Variants in MAPK10 observed in about 807,000 individuals in gnomAD.
The protein encoded by MAPK10 is mitogen-activated protein kinase 10.
MAPK10 carries 25 observed loss-of-function variants against 59.3 expected under a neutral mutation model. That is an observed-to-expected ratio of 0.42 (90% CI 0.31 to 0.59). The LOEUF (loss-of-function observed/expected upper bound fraction) is 0.59. Ranked by LOEUF, MAPK10 falls within the 20% of genes least tolerant of loss-of-function variation. The pLI, the probability that MAPK10 is intolerant of heterozygous loss-of-function variation, is 0.15. For missense variants in MAPK10, 351 were observed against 568.9 expected (o/e 0.62, Z 3.90); for synonymous variants, 190 against 200.5 (o/e 0.95, Z 0.44).
intron 13 of MAPK10, among the ~76,000 whole-genome samples, chr4:86,022,639 G>A (rs1241741377): frequency 6.6e-6 from 1 of 151,972 alleles, no homozygotes; most frequent in Non-Finnish European, 1.5e-5. Context: ...CAAGTAGCTA[G>A]GACTACAGGC....
intron 1 of MAPK10, among the ~76,000 whole-genome samples, chr4:86,534,712 C>A (rs1398522745): frequency 6.6e-6 from 1 of 151,986 alleles, no homozygotes; most frequent in Non-Finnish European, 1.5e-5. Flanking sequence ...TCGAGACCAG[C>A]CTGGCCAACA....
At chr4:86,287,624 C>G (rs1195851323) in intron 2 of MAPK10, among the ~76,000 whole-genome samples, 3 of 152,136 alleles carry the variant, frequency 2.0e-5, no homozygotes, top group Non-Finnish European at 4.4e-5. Flanking sequence ...ATGCAACTTT[C>G]ATTGTTAAAA....
chr4:86,192,614 A>T (rs775884522), intron 3 of MAPK10: 13 of 151,902 alleles, frequency 8.6e-5, no homozygotes, highest in Non-Finnish European at 1.5e-4. Context: ...TGTGTGTTTC[A>T]GCTCCATCAG....
intron 1 of MAPK10, among the ~76,000 whole-genome samples, chr4:86,487,724 C>T (rs1754116759): frequency 7.7e-6 from 1 of 129,422 alleles, no homozygotes; most frequent in South Asian, 2.4e-4. Context: ...GCACGAGACT[C>T]TGTCTCAAAA....
At chr4:86,535,196 T>C (rs1758137453) in intron 1 of MAPK10, among the ~76,000 whole-genome samples, 1 of 152,182 alleles carries the variant, frequency 6.6e-6, no homozygotes, top group South Asian at 2.1e-4. Context: ...AATTTGTTTC[T>C]GAGAAGTGAT....
At position 86,491,421 on chromosome 4, in the gene MAPK10, C is replaced by A. The variant is rs536851101; in HGVS notation, c.-263+102489G>T. 3.3e-5 allele frequency among the ~76,000 whole-genome samples: 5 copies of A among 152,290 alleles called. No homozygotes were observed. In the South Asian group the frequency reaches 8.3e-4, roughly 25 times the overall value. The stretch of plus-strand genomic sequence containing the variant: ...GCCATTGCAGTGGAGCTTTGTTATA[C>A]CCTCATGACCCCAACCCCAGTTCTG... On this transcript the variant is annotated intron_variant, in intron 1 of 4. Transcript: ENST00000502302.
intron 1 of MAPK10, among the ~76,000 whole-genome samples, chr4:86,534,679 G>C (rs1758098784): frequency 6.6e-6 from 1 of 152,154 alleles, no homozygotes; most frequent in South Asian, 2.1e-4. Context: ...ACTGAGGCAG[G>C]CCCATCACCT....
At chr4:86,244,229 A>G (rs1038951929) in intron 2 of MAPK10, among the ~76,000 whole-genome samples, 3 of 152,196 alleles carry the variant, frequency 2.0e-5, no homozygotes, top group African/African-American at 7.2e-5. Context: ...GGAAAAAGAA[A>G]AGTAGTGTTT....
chr4:86,277,431 T>C (rs565299398), intron 2 of MAPK10, among the ~76,000 whole-genome samples: 1 of 152,230 alleles, frequency 6.6e-6, no homozygotes, highest in Admixed American at 6.5e-5. Context: ...ATATTAATGT[T>C]AAAATTAAAA....
At chr4:86,284,363 G>A (rs963771536) in intron 2 of MAPK10, among the ~76,000 whole-genome samples, 7 of 152,066 alleles carry the variant, frequency 4.6e-5, no homozygotes, top group Non-Finnish European at 5.9e-5. Context: ...GCGCATGCTC[G>A]GTCCATTCCT....
rs779662697 is a variant in MAPK10, at chr4:86,029,115, ATGTTATTTCTTGCAACC to A, written c.1252+65_1252+81del. The A allele has an allele frequency of 9.4e-6, 8 of 849,864 alleles. No individual in the cohort carries two copies. In the East Asian group the frequency reaches 1.9e-4, roughly 21 times the overall value. The allele number at this position is 849,864 out of a possible 1,614,324, so 52.6% of individuals were successfully genotyped here. A position where few individuals can be genotyped will look rare whatever the true frequency, so the allele number is the denominator to read the frequency against. ...GTCCATCTGCTCTTTAAGCAATGTT[ATGTTATTTCTTGCAACC>A]CCTACACAAAGGCCAAGAAATTACA... On this transcript the variant is annotated intron_variant, in intron 13 of 13. Coordinates refer to ENST00000641462, the MANE Select transcript of MAPK10 (RefSeq NM_138982.4).
chr4:86,194,856 G>A (rs956967479), intron 2 of MAPK10, among the ~76,000 whole-genome samples: 1 of 151,800 alleles, frequency 6.6e-6, no homozygotes. Context: ...AGAGCTTACT[G>A]TATCAGTAAT....
intron 2 of MAPK10, among the ~76,000 whole-genome samples, chr4:86,224,773 C>T (rs1308874584): frequency 6.6e-6 from 1 of 152,024 alleles, no homozygotes; most frequent in Non-Finnish European, 1.5e-5. Flanking sequence ...TGTGTTTTCC[C>T]TCAAAATTAG....
At chr4:86,480,367 T>C (rs2149070573) in intron 1 of MAPK10, among the ~76,000 whole-genome samples, 1 of 152,122 alleles carries the variant, frequency 6.6e-6, no homozygotes, top group Non-Finnish European at 1.5e-5. Flanking sequence ...ACTGTAATTT[T>C]CCTTTACCTA....
intron 1 of MAPK10, among the ~76,000 whole-genome samples, chr4:86,507,104 T>A (rs1755798459): frequency 6.6e-6 from 1 of 152,012 alleles, no homozygotes; most frequent in Non-Finnish European, 1.5e-5. Context: ...TACACATGTA[T>A]AACAAATTAT....
intron 4 of MAPK10, among the ~76,000 whole-genome samples, chr4:86,147,788 C>T (rs1370916842): frequency 1.3e-5 from 2 of 152,104 alleles, no homozygotes. Flanking sequence ...ATTACTAACT[C>T]ATTCTTCAGA....
chr4:86,524,673 G>A (rs1757342519), intron 1 of MAPK10, among the ~76,000 whole-genome samples: 1 of 151,888 alleles, frequency 6.6e-6, no homozygotes, highest in South Asian at 2.1e-4. Flanking sequence ...CATGTTTCTG[G>A]TCATGTAACA....
intron 11 of MAPK10, 124 bp downstream of exon 11, chr4:86,064,142 G>C: frequency 8.3e-7 from 1 of 1,201,842 alleles, no homozygotes. Flanking sequence ...GCAGATAATA[G>C]GCTTTGGACT....
At chr4:86,572,655 G>T (rs1240730655) in intron 1 of MAPK10, among the ~76,000 whole-genome samples, 1 of 152,132 alleles carries the variant, frequency 6.6e-6, no homozygotes, top group Non-Finnish European at 1.5e-5. Context: ...GCCGAATATG[G>T]GACTCTTTTG....
Sources: gnomAD v4.1 joint callset for allele counts (sites outside exome capture counted in the v4.1 genomes callset) on GRCh38, gnomAD v4.1.1 for gene constraint, MANE v1.5 for transcripts, NCBI Gene and HGNC (gene_info 2026-07-23, HGNC 2026-07-21) for gene names.